Variants in GOLM2 observed in about 807,000 individuals in gnomAD.
GOLM2 encodes protein GOLM2.
A neutral mutation model predicts 55.9 loss-of-function variants in GOLM2; 26 were observed. That is an observed-to-expected ratio of 0.47 (90% CI 0.34 to 0.65). GOLM2 has a LOEUF of 0.65. Ranked by LOEUF, GOLM2 falls within the 30% of genes least tolerant of loss-of-function variation. The pLI is 0.01. For synonymous variants in GOLM2, 165 were observed against 194.6 expected (o/e 0.85, Z 1.27); for missense variants, 486 against 531.8 (o/e 0.91, Z 0.85).
At chr15:44,329,103 TGATTCTTTTTGACG>T (rs896907416) in intron 3 of GOLM2, among the ~76,000 whole-genome samples, 1 of 152,140 alleles carries the variant, frequency 6.6e-6, no homozygotes, top group Non-Finnish European at 1.5e-5. Flanking sequence ...AGAAGATTTG[TGATTCTTTTTGACG>T]GACATCCAGA....
At chr15:44,375,405 A>G (rs1489551005) in intron 6 of GOLM2, among the ~76,000 whole-genome samples, 1 of 152,162 alleles carries the variant, frequency 6.6e-6, no homozygotes, top group Non-Finnish European at 1.5e-5. Context: ...ATTGTTTTTA[A>G]GCTCACATTT....
intron 8 of GOLM2, chr15:44,382,340 C>T (rs1298860516): frequency 1.3e-5 from 2 of 151,772 alleles, no homozygotes; most frequent in East Asian, 1.9e-4. Context: ...TGGAGTCTCA[C>T]TCTGTCACCC....
At chr15:44,386,760 A>C (rs1057215479) in intron 8 of GOLM2, among the ~76,000 whole-genome samples, 2 of 152,190 alleles carry the variant, frequency 1.3e-5, no homozygotes, top group East Asian at 3.8e-4. Flanking sequence ...AGCCTCTGCT[A>C]CTGTGGATGC....
intron 1 of GOLM2, among the ~76,000 whole-genome samples, chr15:44,310,502 C>CA (rs2078868130): frequency 8.0e-6 from 1 of 124,680 alleles, no homozygotes; most frequent in East Asian, 2.5e-4. Flanking sequence ...ACACACACAC[C>CA]CACACACACA....
chr15:44,386,442 A>T (rs371210172), intron 8 of GOLM2, among the ~76,000 whole-genome samples: 1 of 152,208 alleles, frequency 6.6e-6, no homozygotes, highest in East Asian at 1.9e-4. Context: ...ATAACTTTGT[A>T]GTAAGTTTTG....
intron 6 of GOLM2, among the ~76,000 whole-genome samples, chr15:44,343,007 A>G (rs541672884): frequency 1.3e-5 from 2 of 152,356 alleles, no homozygotes; most frequent in Admixed American, 6.5e-5. Context: ...CACTTAGAAC[A>G]GTGCCTGGCA....
At chr15:44,337,661 A>ATG in intron 4 of GOLM2, 102 bp from the exon 5 acceptor site, 1 of 772,944 alleles carries the variant, frequency 1.3e-6, no homozygotes, top group South Asian at 2.2e-5. Flanking sequence ...CCCATGGTAT[A>ATG]TGTTTTACAA....
At chr15:44,325,333 T>G (rs1379799415) in intron 2 of GOLM2, among the ~76,000 whole-genome samples, 1 of 152,250 alleles carries the variant, frequency 6.6e-6, no homozygotes, top group Non-Finnish European at 1.5e-5. Context: ...TATTAATGTT[T>G]TATTTTTCTT....
chr15:44,290,890 C>G (rs113077748), intron 1 of GOLM2, among the ~76,000 whole-genome samples: 6,185 of 151,902 alleles, frequency 0.041, 163 homozygotes, highest in Non-Finnish European at 0.062. Context: ...CAACCTCCGC[C>G]CCCCCGGGGT....
intron 4 of GOLM2, among the ~76,000 whole-genome samples, chr15:44,332,958 G>A (rs527865172): frequency 1.1e-4 from 16 of 152,188 alleles, no homozygotes; most frequent in Admixed American, 2.6e-4. Flanking sequence ...GTGTGTGATG[G>A]AGTCTCGCTC....
intron 8 of GOLM2, among the ~76,000 whole-genome samples, chr15:44,400,574 CTTTTTTTTTTT>C (rs59386038): frequency 3.6e-5 from 4 of 111,022 alleles, no homozygotes; most frequent in Admixed American, 8.9e-5. Flanking sequence ...GCCTTGCCGC[CTTTTTTTTTTT>C]TTTTTTTTTT....
intron 1 of GOLM2, among the ~76,000 whole-genome samples, chr15:44,295,361 G>A (rs1411165465): frequency 6.6e-6 from 1 of 152,178 alleles, no homozygotes; most frequent in African/African-American, 2.4e-5. Context: ...TTACAGGCAT[G>A]ACCCACCACA....
At chr15:44,355,557 C>G (rs2079192490) in intron 6 of GOLM2, 1 of 165,152 alleles carries the variant, frequency 6.1e-6, no homozygotes, top group African/African-American at 2.4e-5. Context: ...GTGACACTCC[C>G]TCTTCCACTT....
At chr15:44,335,922 C>T (rs572191394) in intron 4 of GOLM2, among the ~76,000 whole-genome samples, 1 of 149,958 alleles carries the variant, frequency 6.7e-6, no homozygotes, top group Non-Finnish European at 1.5e-5. Flanking sequence ...TCAAGCGATT[C>T]TCCTGCCTCA....
At chr15:44,328,344 G>A (rs1271405240) in intron 2 of GOLM2, among the ~76,000 whole-genome samples, 1 of 152,182 alleles carries the variant, frequency 6.6e-6, no homozygotes, top group African/African-American at 2.4e-5. Context: ...CGGATGTGGT[G>A]TTGCACACCT....
At chr15:44,366,007 C>G (rs1217357478) in intron 6 of GOLM2, among the ~76,000 whole-genome samples, 4 of 152,146 alleles carry the variant, frequency 2.6e-5, no homozygotes, top group African/African-American at 9.7e-5. Context: ...TAAAACTGCT[C>G]TAAGTCTTGG....
intron 6 of GOLM2, among the ~76,000 whole-genome samples, chr15:44,366,699 G>A (rs74868471): frequency 0.019 from 2,823 of 152,020 alleles, 96 homozygotes; most frequent in African/African-American, 0.065. Flanking sequence ...AAAAAGATAG[G>A]AAGATTATGT....
chr15:44,411,898 A>T (rs972092293), intron 9 of GOLM2, among the ~76,000 whole-genome samples: 5 of 151,948 alleles, frequency 3.3e-5, no homozygotes, highest in Non-Finnish European at 7.4e-5. Context: ...AATACTTTTC[A>T]TTCTTGTTCT....
At chr15:44,310,502 C>CCCACACA (rs1273355935) in intron 1 of GOLM2, among the ~76,000 whole-genome samples, 13 of 124,698 alleles carry the variant, frequency 1.0e-4, no homozygotes, top group African/African-American at 3.9e-4. Flanking sequence ...ACACACACAC[C>CCCACACA]CACACACACA....
Sources: allele counts gnomAD v4.1 joint callset (sites outside exome capture counted in the v4.1 genomes callset), GRCh38; gene constraint gnomAD v4.1.1; transcripts MANE v1.5; gene names NCBI Gene and HGNC (gene_info 2026-07-23, HGNC 2026-07-21).